Variants in NDUFA10 observed in about 807,000 individuals in gnomAD.
NDUFA10 encodes the protein NADH:ubiquinone oxidoreductase subunit A10.
In NDUFA10, 40 loss-of-function variants were observed where a neutral mutation model predicts 47.8. The observed-to-expected ratio is 0.84, with a 90% CI of 0.65 to 1.09. The LOEUF (loss-of-function observed/expected upper bound fraction) is 1.09, where lower values mean the gene tolerates loss of function less well. Among genes scored for constraint, NDUFA10 ranks in the 50% least tolerant of loss-of-function variants. NDUFA10 has a pLI of 0.00. For synonymous variants in NDUFA10, 183 were observed against 172.2 expected, an observed-to-expected ratio of 1.06 and a Z score of -0.49; for missense variants, 413 against 451.1, an observed-to-expected ratio of 0.92 and a Z score of 0.76.
intron 4 of NDUFA10, among the ~76,000 whole-genome samples, chr2:239,952,172 G>C (rs1360474945): frequency 6.6e-6 from 1 of 152,016 alleles, no homozygotes; most frequent in African/African-American, 2.4e-5. Flanking sequence ...TGGGGGCTTG[G>C]TGGGGCAGAC....
chr2:239,983,441 T>A (rs1207646905), intron 9 of NDUFA10: 6 of 1,509,560 alleles, frequency 4.0e-6, no homozygotes, highest in Non-Finnish European at 5.3e-6. Flanking sequence ...CTATTTAATT[T>A]CAACTGATCA....
At chr2:239,921,585 C>T (rs1693984014) in intron 4 of NDUFA10, among the ~76,000 whole-genome samples, 2 of 151,546 alleles carry the variant, frequency 1.3e-5, no homozygotes, top group Admixed American at 1.3e-4. Flanking sequence ...TTACAAACCT[C>T]TTGCTAGCTA....
At position 239,959,343 on chromosome 2, in the gene NDUFA10, C is replaced by T; in HGVS notation, c.*1775G>A. On this transcript the variant is annotated 3_prime_UTR_variant, in exon 10 of 10. Transcript: ENST00000252711. ...CTGCTGAGGACACTACCCGTGCAAC[C>T]ACCAAGGTTGAAGGAAACAGCTAGC... is the stretch of plus-strand genomic sequence containing the variant. 1 of 985,466 alleles carries T rather than the reference C, an allele frequency of 1.0e-6. No individual in the cohort carries two copies. 61.0% of individuals were successfully genotyped at this position (985,466 alleles called of 1,614,324 possible).
intron 9 of NDUFA10, chr2:239,983,662 C>T: frequency 6.3e-7 from 1 of 1,579,126 alleles, no homozygotes; most frequent in Admixed American, 1.8e-5. Context: ...CAGCAAGTGC[C>T]CCTGATGCTT....
chr2:239,910,928 C>T (rs1051403050), intron 4 of NDUFA10, among the ~76,000 whole-genome samples: 4 of 152,326 alleles, frequency 2.6e-5, no homozygotes, highest in Non-Finnish European at 4.4e-5. Flanking sequence ...GCCGCTCCGT[C>T]CTGAGCAGAG....
intron 4 of NDUFA10, among the ~76,000 whole-genome samples, chr2:239,919,025 G>A (rs1693923433): frequency 6.6e-6 from 1 of 152,240 alleles, no homozygotes; most frequent in Non-Finnish European, 1.5e-5. Context: ...CTCCTGACAA[G>A]ATCTGAAGAC....
intron 9 of NDUFA10, among the ~76,000 whole-genome samples, chr2:239,981,492 G>A (rs748698885): frequency 6.6e-6 from 1 of 152,116 alleles, no homozygotes; most frequent in Non-Finnish European, 1.5e-5. Flanking sequence ...AAATAGCACT[G>A]GCATAAAGAA....
intron 9 of NDUFA10, chr2:239,973,565 GGAGGGAACGA>G (rs756803444): frequency 7.9e-5 from 37 of 469,250 alleles, no homozygotes; most frequent in East Asian, 5.0e-4. Context: ...TCAGCTTCAA[GGAGGGAACGA>G]TCAGCTTCAA....
chr2:239,995,187 C>T (rs1416916488), intron 8 of NDUFA10, among the ~76,000 whole-genome samples: 1 of 152,018 alleles, frequency 6.6e-6, no homozygotes. Context: ...TACATAAGAA[C>T]TGCTGGAACC....
intron 8 of NDUFA10, among the ~76,000 whole-genome samples, chr2:240,004,555 G>A (rs1452017038): frequency 2.0e-5 from 3 of 150,634 alleles, no homozygotes; most frequent in African/African-American, 7.3e-5. Context: ...TCCTAGTCCT[G>A]CCCTCTTCCA....
chr2:239,989,043 TCA>T (rs1407691942), intron 9 of NDUFA10, among the ~76,000 whole-genome samples: 2 of 130,062 alleles, frequency 1.5e-5, no homozygotes, highest in Non-Finnish European at 3.3e-5. Flanking sequence ...GCACGCGCAC[TCA>T]CACAAGTATA....
At chr2:239,921,113 G>T (rs920110909) in intron 4 of NDUFA10, among the ~76,000 whole-genome samples, 5 of 152,112 alleles carry the variant, frequency 3.3e-5, no homozygotes, top group African/African-American at 1.2e-4. Context: ...AAATCAATAT[G>T]GTGGCTCGAA....
At chr2:239,894,801 A>G (rs1037888549) in intron 5 of NDUFA10, among the ~76,000 whole-genome samples, 5 of 151,848 alleles carry the variant, frequency 3.3e-5, no homozygotes, top group African/African-American at 4.8e-5. Context: ...TGATAATGTC[A>G]TATCTTTTTA....
chr2:239,969,672 C>T (rs1467496195), intron 9 of NDUFA10: 4 of 471,140 alleles, frequency 8.5e-6, no homozygotes, highest in Non-Finnish European at 1.8e-5. Context: ...CTCCTGCCAT[C>T]TCAGACTTCC....
chr2:239,979,399 G>A (rs1695675821), intron 9 of NDUFA10, among the ~76,000 whole-genome samples: 1 of 152,094 alleles, frequency 6.6e-6, no homozygotes, highest in Non-Finnish European at 1.5e-5. Context: ...GAGGCCCAGG[G>A]CTCCACCGTC....
chr2:239,960,732 G>T lies in NDUFA10; in HGVS notation c.*386C>A. ...GCCCGCACGCACATAGACGTACGAT[G>T]GGGAAATTCCCATGGAAACACTTTT... On this transcript the variant is annotated 3_prime_UTR_variant, in exon 10 of 10. Coordinates refer to ENST00000252711, the MANE Select transcript of NDUFA10 (RefSeq NM_004544.4). 8.4e-7 allele frequency: 1 copy of T among 1,189,552 alleles called. No individual in the cohort carries two copies. Among genetic ancestry groups the T allele is most frequent in the Non-Finnish European group, 1.1e-6 (1 of 943,998 alleles). 73.7% of individuals were successfully genotyped at this position (1,189,552 alleles called of 1,614,324 possible).
chr2:240,005,555 C>A (rs1324487361), intron 7 of NDUFA10, among the ~76,000 whole-genome samples: 1 of 152,060 alleles, frequency 6.6e-6, no homozygotes, highest in African/African-American at 2.4e-5. Flanking sequence ...TGGGGTCTCA[C>A]CACGTTGCCC....
intron 4 of NDUFA10, among the ~76,000 whole-genome samples, chr2:239,911,670 A>AGTGTGT (rs146389087): frequency 0.09 from 13,153 of 146,510 alleles, 702 homozygotes; most frequent in Middle Eastern, 0.12. Flanking sequence ...AACATGAGAG[A>AGTGTGT]GTGTGTGTGC....
At chr2:239,911,672 T>A (rs75020372) in intron 4 of NDUFA10, among the ~76,000 whole-genome samples, 15 of 143,742 alleles carry the variant, frequency 1.0e-4, no homozygotes, top group African/African-American at 4.2e-4. Flanking sequence ...CATGAGAGAG[T>A]GTGTGTGCGT....
Sources: allele counts gnomAD v4.1 joint callset (sites outside exome capture counted in the v4.1 genomes callset), GRCh38; gene constraint gnomAD v4.1.1; transcripts MANE v1.5; gene names NCBI Gene and HGNC (gene_info 2026-07-23, HGNC 2026-07-21).